Variants in PLCE1 observed in about 807,000 individuals in gnomAD.
The protein encoded by PLCE1 is phospholipase C epsilon 1.
In PLCE1, 119 loss-of-function variants were observed where a neutral mutation model predicts 242.8. That is an observed-to-expected ratio of 0.49 (90% confidence interval 0.42 to 0.57). The LOEUF (loss-of-function observed/expected upper bound fraction) is 0.57. PLCE1 is among the 20% of genes least tolerant of loss of function. The pLI, the probability that PLCE1 is intolerant of heterozygous loss-of-function variation, is 0.00. For synonymous variants in PLCE1, 945 were observed against 1,017.4 expected, an observed-to-expected ratio of 0.93 and a Z score of 1.35; for missense variants, 2,441 against 2,788.8, an observed-to-expected ratio of 0.88 and a Z score of 2.81.
intron 2 of PLCE1, among the ~76,000 whole-genome samples, chr10:94,115,157 C>T (rs1033461676): frequency 2.0e-5 from 3 of 152,106 alleles, no homozygotes; most frequent in African/African-American, 2.4e-5. Context: ...TTTCTTAATC[C>T]AGTCTATCAT....
At chr10:94,161,702 A>C (rs1483064738) in intron 3 of PLCE1, among the ~76,000 whole-genome samples, 1 of 152,100 alleles carries the variant, frequency 6.6e-6, no homozygotes, top group Non-Finnish European at 1.5e-5. Context: ...TTTGAATATG[A>C]GTGGTGAGAG....
chr10:94,240,953 C>G (rs1157083313), intron 7 of PLCE1, among the ~76,000 whole-genome samples: 2 of 152,138 alleles, frequency 1.3e-5, no homozygotes, highest in Admixed American at 1.3e-4. Context: ...TTCTTGTAAA[C>G]CCACAGGAAA....
chr10:94,158,854 C>CTTTTTTTTTTTTTT (rs35760715), intron 3 of PLCE1, among the ~76,000 whole-genome samples: 10 of 111,532 alleles, frequency 9.0e-5, no homozygotes, highest in East Asian at 2.9e-4. Flanking sequence ...TCTTCTTTTT[C>CTTTTTTTTTTTTTT]TTTTTTTTTT....
intron 3 of PLCE1, among the ~76,000 whole-genome samples, chr10:94,145,034 A>G (rs2047072700): frequency 6.6e-6 from 1 of 152,260 alleles, no homozygotes. Flanking sequence ...AAGTAGTGAC[A>G]CAATAAGACT....
intron 3 of PLCE1, chr10:94,138,702 C>T (rs1010534739): frequency 1.0e-5 from 3 of 289,072 alleles, no homozygotes; most frequent in African/African-American, 2.2e-5. Context: ...ACATAGGAAA[C>T]AGCTGTGGCC....
At chr10:94,160,965 T>C (rs1490174639) in intron 3 of PLCE1, among the ~76,000 whole-genome samples, 1 of 152,206 alleles carries the variant, frequency 6.6e-6, no homozygotes, top group Non-Finnish European at 1.5e-5. Context: ...CACTGGTCTA[T>C]ATCTCTGTTT....
chr10:94,126,587 A>G (rs561039925), intron 2 of PLCE1, among the ~76,000 whole-genome samples: 1 of 152,212 alleles, frequency 6.6e-6, no homozygotes, highest in Non-Finnish European at 1.5e-5. Context: ...ATAGCTGTCT[A>G]GCAAGTGTGG....
intron 4 of PLCE1, among the ~76,000 whole-genome samples, chr10:94,216,826 G>A (rs936799262): frequency 1.3e-5 from 2 of 151,818 alleles, no homozygotes; most frequent in Admixed American, 6.6e-5. Context: ...AATGCGACTC[G>A]GCTGCATCAT....
At chr10:94,209,398 C>T (rs1319908234) in intron 4 of PLCE1, among the ~76,000 whole-genome samples, 1 of 152,128 alleles carries the variant, frequency 6.6e-6, no homozygotes, top group Non-Finnish European at 1.5e-5. Flanking sequence ...AGAAATAAAT[C>T]TTTTAGTCCA....
rs187857549 is a variant in PLCE1, at chr10:94,306,764, C to G, written c.5884+76C>G. The stretch of plus-strand genomic sequence containing the variant: ...TGCCAGAATTTCCTTATACTCTTCT[C>G]TCTTTTCTGTTTGACATTTTCCTAT... On this transcript the variant is annotated intron_variant, in intron 26 of 32. Transcript: ENST00000371380. The surrounding 1 kb of genome is among the most constrained non-coding windows in gnomAD (Gnocchi z 5.7). The G allele has an allele frequency of 8.9e-7, 1 of 1,125,020 alleles. No homozygotes were observed. The highest frequency in any genetic ancestry group is 1.5e-5 in the African/African-American group (1 of 65,002). 69.7% of individuals were successfully genotyped at this position (1,125,020 alleles called of 1,614,324 possible).
chr10:94,150,517 T>C (rs980078956), intron 3 of PLCE1, among the ~76,000 whole-genome samples: 2 of 152,206 alleles, frequency 1.3e-5, no homozygotes, highest in African/African-American at 4.8e-5. Context: ...AAAGTATTTG[T>C]TCCAGCCACA....
chr10:94,318,823 A>C (rs1042125732), intron 29 of PLCE1, among the ~76,000 whole-genome samples: 1 of 152,182 alleles, frequency 6.6e-6, no homozygotes, highest in Non-Finnish European at 1.5e-5. Flanking sequence ...CACTTTGGGA[A>C]GCCAAGGCAG....
chr10:94,159,213 T>C (rs2047531422), intron 3 of PLCE1, among the ~76,000 whole-genome samples: 1 of 152,222 alleles, frequency 6.6e-6, no homozygotes, highest in African/African-American at 2.4e-5. Context: ...AGAAGTAATA[T>C]GCTTCATTGA....
chr10:94,208,071 A>T (rs759808239), intron 4 of PLCE1, among the ~76,000 whole-genome samples: 5 of 152,202 alleles, frequency 3.3e-5, no homozygotes, highest in African/African-American at 4.8e-5. Context: ...AAGGCAGGTA[A>T]TAGAGGGTAT....
At chr10:94,260,846 G>A (rs1367435367) in intron 13 of PLCE1, among the ~76,000 whole-genome samples, 4 of 151,958 alleles carry the variant, frequency 2.6e-5, no homozygotes, top group African/African-American at 4.8e-5. Flanking sequence ...TATTTTTAGA[G>A]CAATTTTAGG....
chr10:94,323,469 T>C (rs930440153), intron 30 of PLCE1, among the ~76,000 whole-genome samples: 1 of 152,214 alleles, frequency 6.6e-6, no homozygotes, highest in Admixed American at 6.5e-5. Flanking sequence ...ATTTATTTCT[T>C]TTGTGTAAAT....
chr10:94,170,238 T>G (rs560818771), intron 3 of PLCE1, among the ~76,000 whole-genome samples: 20 of 152,296 alleles, frequency 1.3e-4, no homozygotes, highest in East Asian at 1.2e-3. Flanking sequence ...CCAACTCAGG[T>G]GACCACAAAA....
chr10:94,260,034 C>T (rs2132969118), intron 13 of PLCE1, among the ~76,000 whole-genome samples: 1 of 152,298 alleles, frequency 6.6e-6, no homozygotes, highest in South Asian at 2.1e-4. Flanking sequence ...GTCCCTTCCA[C>T]AACATGGAAT....
chr10:94,173,488 T>C (rs1484326474), intron 4 of PLCE1, among the ~76,000 whole-genome samples: 1 of 152,180 alleles, frequency 6.6e-6, no homozygotes, highest in Non-Finnish European at 1.5e-5. Flanking sequence ...TGAATTATTT[T>C]AAACTTCCAG....
Sources: allele counts gnomAD v4.1 joint callset (sites outside exome capture counted in the v4.1 genomes callset), GRCh38; gene constraint gnomAD v4.1.1; non-coding constraint Gnocchi (gnomAD v3.1); transcripts MANE v1.5; gene names NCBI Gene and HGNC (gene_info 2026-07-23, HGNC 2026-07-21).